DUSP22: variants seen among roughly 807,000 people sequenced by gnomAD.
DUSP22 encodes dual specificity phosphatase 22, also known as dual specificity protein phosphatase 22.
DUSP22 carries 24 observed loss-of-function variants against 24.5 expected under a neutral mutation model. The observed-to-expected ratio is 0.98, with a 90% CI of 0.71 to 1.38. DUSP22 has a LOEUF of 1.38. Ranked by LOEUF, DUSP22 falls within the 40% of genes most tolerant of loss-of-function variation. The pLI, the probability that DUSP22 is intolerant of heterozygous loss-of-function variation, is 0.00. For missense variants in DUSP22, 330 were observed against 269.2 expected, an observed-to-expected ratio of 1.23 and a Z score of -1.58; for synonymous variants, 160 against 106.4, an observed-to-expected ratio of 1.50 and a Z score of -3.10.
rs1348180164 is a variant in DUSP22 at position 349,208 on chromosome 6, CGT to C, written c.*265_*266del. On this transcript the variant is annotated 3_prime_UTR_variant, in exon 7 of 7. Coordinates refer to ENST00000419235, the MANE Select transcript of DUSP22 (RefSeq NM_001286555.3). ...GGCTGTGCACTGCTCTGTGCACGTG[CGT>C]GTGTGTGAGTGCACTTGTGTGTGGG... 4.6e-5 allele frequency: 64 copies of C among 1,397,056 alleles called. No homozygotes were observed. In the South Asian group the frequency reaches 9.2e-4, roughly 20 times the overall value. The allele number at this position is 1,397,056 out of a possible 1,614,324, so 86.5% of individuals were successfully genotyped here.
intron 2 of DUSP22, 62 bp downstream of exon 2, chr6:304,723 A>G (rs1192831274): frequency 6.2e-7 from 1 of 1,603,444 alleles, no homozygotes; most frequent in Non-Finnish European, 8.5e-7. Flanking sequence ...TGTCATCTTG[A>G]CCATTTTAAA....
intron 4 of DUSP22, among the ~76,000 whole-genome samples, chr6:343,475 G>A (rs1055148575): frequency 4.6e-5 from 7 of 152,266 alleles, no homozygotes; most frequent in Non-Finnish European, 7.3e-5. Flanking sequence ...GTGCCAAGAC[G>A]CTGTCCCTGC....
chr6:327,879 A>T (rs939442885), intron 3 of DUSP22, among the ~76,000 whole-genome samples: 6 of 152,304 alleles, frequency 3.9e-5, no homozygotes, highest in Non-Finnish European at 8.8e-5. Context: ...CTGGAGTTTG[A>T]GGAGCGAGGG....
intron 1 of DUSP22, among the ~76,000 whole-genome samples, chr6:297,258 G>A: frequency 6.6e-6 from 1 of 152,310 alleles, no homozygotes; most frequent in Non-Finnish European, 1.5e-5. Flanking sequence ...TGAGGGTAAT[G>A]ATACCTTCCC....
rs756089358 is a variant in DUSP22, at chr6:345,836, CTT to C, written c.189-12_189-11del. The C allele has an allele frequency of 1.9e-6, 3 of 1,613,766 alleles. No individual in the cohort carries two copies. The South Asian group carries it at 3.3e-5, about 18-fold the overall frequency. ...AGTAAAGTAGAGAGATGTCATTTCT[CTT>C]TTTTTCTTTTCCCAGGACAAGACAT... On this transcript the variant is annotated splice_polypyrimidine_tract_variant and intron_variant, in intron 4 of 6. Coordinates refer to ENST00000419235, the MANE Select transcript of DUSP22 (RefSeq NM_001286555.3).
At chr6:329,824 TCTG>T (rs1759060386) in intron 3 of DUSP22, among the ~76,000 whole-genome samples, 1 of 152,310 alleles carries the variant, frequency 6.6e-6, no homozygotes, top group Non-Finnish European at 1.5e-5. Flanking sequence ...GAGAGAGTCT[TCTG>T]CTGTGTGTGT....
intron 1 of DUSP22, among the ~76,000 whole-genome samples, chr6:293,509 T>C (rs901079632): frequency 3.9e-4 from 59 of 152,148 alleles, no homozygotes; most frequent in African/African-American, 1.3e-3. Flanking sequence ...TTCATTGCGC[T>C]CCACCCACCC....
At chr6:337,161 T>G (rs1759392502) in intron 4 of DUSP22, 1 of 152,608 alleles carries the variant, frequency 6.6e-6, no homozygotes, top group Non-Finnish European at 1.5e-5. Flanking sequence ...GATTTAAGCG[T>G]GGAGTGACCC....
intron 4 of DUSP22, among the ~76,000 whole-genome samples, chr6:341,381 A>G (rs1319337500): frequency 1.3e-5 from 2 of 152,302 alleles, no homozygotes; most frequent in African/African-American, 2.4e-5. Flanking sequence ...GTTGAGCAAT[A>G]GAAGGACCAG....
At chr6:326,511 C>T (rs1758881326) in intron 3 of DUSP22, among the ~76,000 whole-genome samples, 2 of 107,628 alleles carry the variant, frequency 1.9e-5, no homozygotes, top group South Asian at 8.7e-4. Flanking sequence ...GAGTCATCTG[C>T]CCTGGGCTTC....
chr6:313,036 C>A (rs1310078612), intron 3 of DUSP22, among the ~76,000 whole-genome samples: 1 of 133,122 alleles, frequency 7.5e-6, no homozygotes, highest in African/African-American at 2.8e-5. Context: ...ATAACAACAA[C>A]AACAAAACAT....
intron 3 of DUSP22, among the ~76,000 whole-genome samples, chr6:332,181 G>GT (rs1759170776): frequency 6.6e-6 from 1 of 152,302 alleles, no homozygotes; most frequent in African/African-American, 2.4e-5. Flanking sequence ...TATCATTGCT[G>GT]TTGTCATTCT....
chr6:348,234 A>G lies in DUSP22; in HGVS notation c.395A>G (p.Gln132Arg). 1 of 1,614,294 alleles carries G rather than the reference A, an allele frequency of 6.2e-7. No individual in the cohort carries two copies. The highest frequency in any genetic ancestry group is 8.5e-7 in the Non-Finnish European group (1 of 1,180,036). ...RSCANPNVGF[Q>R]RQLQEFEKHE... ...TGTGCCAACCCCAACGTGGGCTTCC[A>G]GAGACAGCTCCAGGAGTTTGAGAAG... Residue 132 changes from glutamine to arginine, a missense_variant, in exon 6 of 7, where the codon CAG becomes CGG. Coordinates refer to ENST00000419235, the MANE Select transcript of DUSP22 (RefSeq NM_001286555.3).
intron 1 of DUSP22, among the ~76,000 whole-genome samples, chr6:297,862 T>A (rs1385180116): frequency 1.3e-5 from 2 of 152,306 alleles, no homozygotes; most frequent in African/African-American, 2.4e-5. Context: ...GCAGGTGACT[T>A]GGCTGCCTGC....
intron 4 of DUSP22, among the ~76,000 whole-genome samples, chr6:338,960 A>C (rs528807940): frequency 9.1e-4 from 139 of 152,396 alleles, no homozygotes; most frequent in Admixed American, 2.2e-3. Context: ...TCCCTCTCTG[A>C]TCTTCCAGGA....
chr6:326,045 C>A lies in DUSP22; in HGVS notation c.139-9069C>A, dbSNP rs1758856001. 3 of 240,816 alleles carry A rather than the reference C, an allele frequency of 1.2e-5. No individual in the cohort carries two copies. In the South Asian group the frequency reaches 1.3e-4, roughly 11 times the overall value. The allele number at this position is 240,816 out of a possible 1,614,324, so 14.9% of individuals were successfully genotyped here. A position where few individuals can be genotyped will look rare whatever the true frequency, so the allele number is the denominator to read the frequency against. On this transcript the variant is annotated intron_variant, in intron 3 of 6. Transcript: ENST00000419235. Reference sequence around the variant, plus strand: ...CTTCTGCGTTCTGGTGTGTGCAGTGCTGTATCTGCTGGTGCCTGGAGAGTC... The same window carrying A: ...CTTCTGCGTTCTGGTGTGTGCAGTGATGTATCTGCTGGTGCCTGGAGAGTC...
intron 5 of DUSP22, among the ~76,000 whole-genome samples, chr6:347,686 C>G (rs902944553): frequency 6.6e-6 from 1 of 152,306 alleles, no homozygotes; most frequent in Non-Finnish European, 1.5e-5. Context: ...GAAAACTCGA[C>G]TTTTAAGGAA....
intron 4 of DUSP22, among the ~76,000 whole-genome samples, chr6:341,255 G>A (rs370391006): frequency 5.9e-5 from 9 of 152,426 alleles, no homozygotes; most frequent in East Asian, 3.8e-4. Flanking sequence ...ACGGCTGTGC[G>A]TGGACGTAAA....
intron 3 of DUSP22, among the ~76,000 whole-genome samples, chr6:330,960 A>T (rs560974355): frequency 1.3e-5 from 2 of 152,428 alleles, no homozygotes; most frequent in Admixed American, 6.5e-5. Flanking sequence ...CCCTCAACAC[A>T]GGTAGAGACT....
Sources: allele counts gnomAD v4.1 joint callset (sites outside exome capture counted in the v4.1 genomes callset), GRCh38; gene constraint gnomAD v4.1.1; transcripts MANE v1.5; gene names NCBI Gene and HGNC (gene_info 2026-07-23, HGNC 2026-07-21).